PCDHGA2: variants seen among roughly 807,000 people sequenced by gnomAD.
PCDHGA2 encodes the protein protocadherin gamma subfamily A, 2.
Under a neutral mutation model 59.2 loss-of-function variants are expected in PCDHGA2, and 40 were observed. The ratio of observed to expected loss-of-function variants is 0.68; its 90% CI spans 0.52 to 0.88. PCDHGA2 has a LOEUF of 0.88. Ranked by LOEUF, PCDHGA2 falls within the 40% of genes least tolerant of loss-of-function variation. The pLI is 0.00. For synonymous variants in PCDHGA2, 560 were observed against 526.0 expected, an observed-to-expected ratio of 1.06 and a Z score of -0.89; for missense variants, 1,226 against 1,204.0, an observed-to-expected ratio of 1.02 and a Z score of -0.27.
At chr5:141,474,143 T>C (rs933805562) in intron 1 of PCDHGA2, among the ~76,000 whole-genome samples, 5 of 152,188 alleles carry the variant, frequency 3.3e-5, no homozygotes, top group Non-Finnish European at 5.9e-5. Flanking sequence ...CAGGCCTTAT[T>C]ATCAAGAAAA....
chr5:141,402,867 C>A (rs996572604), intron 1 of PCDHGA2: 7 of 1,443,390 alleles, frequency 4.8e-6, no homozygotes, highest in Non-Finnish European at 6.4e-6. Context: ...AGGAAAAGAT[C>A]ACCATACTTT....
intron 1 of PCDHGA2, chr5:141,382,741 C>G: frequency 3.4e-6 from 2 of 582,496 alleles, no homozygotes; most frequent in East Asian, 2.8e-5. Context: ...AGAGAAACGA[C>G]AGATTGCGAT....
At chr5:141,361,130 G>C (rs1352888384) in intron 1 of PCDHGA2, 1 of 1,613,886 alleles carries the variant, frequency 6.2e-7, no homozygotes, top group African/African-American at 1.3e-5. Context: ...GCCCACTGCA[G>C]TATCCAAGTT....
At chr5:141,421,846 G>A (rs1187020807) in intron 1 of PCDHGA2, 2 of 1,613,642 alleles carry the variant, frequency 1.2e-6, no homozygotes, top group East Asian at 4.5e-5. Context: ...AGAGAAAGAG[G>A]CTGCTCACCT....
At position 141,462,908 on chromosome 5, in the gene PCDHGA2, T is replaced by G. The variant is rs186061013; in HGVS notation, c.2425-31899T>G. ...AGTTTGTTTTGGAAGGCTATTATGT[T>G]TTTTGCAGATCAGGTTGATCTTTTC... On this transcript the variant is annotated intron_variant, in intron 1 of 3. Coordinates refer to ENST00000394576, the MANE Select transcript of PCDHGA2 (RefSeq NM_018915.4). Among the ~76,000 whole-genome samples the G allele has an allele frequency of 1.4e-4, 21 of 152,362 alleles. No individual in the cohort carries two copies. The East Asian group carries it at 3.5e-3, about 25-fold the overall frequency.
intron 1 of PCDHGA2, chr5:141,419,377 C>T: frequency 6.2e-6 from 10 of 1,613,690 alleles, no homozygotes; most frequent in Admixed American, 3.3e-5. Flanking sequence ...CCTACGTGTC[C>T]GTGAGCGCGC....
At chr5:141,447,650 T>TC (rs1036312126) in intron 1 of PCDHGA2, among the ~76,000 whole-genome samples, 5 of 151,988 alleles carry the variant, frequency 3.3e-5, no homozygotes, top group Non-Finnish European at 5.9e-5. Context: ...GGTAGAATTT[T>TC]CCCCCCCAGG....
Position 141,349,813 on chromosome 5 carries a change from G to GA in PCDHGA2, c.2424+8425dup, listed in dbSNP as rs1195442727. On this transcript the variant is annotated intron_variant, in intron 1 of 3. Coordinates refer to ENST00000394576, the MANE Select transcript of PCDHGA2 (RefSeq NM_018915.4). Reference sequence around the variant, plus strand: ...AAGATTTTTTTTTACCCCCAAAACTGAAAAAAATGGCAGTGTACCTTGTGA... The same window carrying GA: ...AAGATTTTTTTTTACCCCCAAAACTGAAAAAAAATGGCAGTGTACCTTGTGA... Among the ~76,000 whole-genome samples, 5 of 151,524 alleles carry GA rather than the reference G, an allele frequency of 3.3e-5. No individual in the cohort carries two copies. The South Asian group carries it at 6.2e-4, about 19-fold the overall frequency.
intron 1 of PCDHGA2, chr5:141,403,625 A>G (rs2094436092): frequency 6.2e-7 from 1 of 1,613,818 alleles, no homozygotes; most frequent in African/African-American, 1.3e-5. Context: ...TCGCTCCAGC[A>G]CAGTGCGCAT....
rs1288502839 is a variant in PCDHGA2 at position 141,356,953 on chromosome 5, G to A, written c.2424+15558G>A. 6 of 1,614,062 alleles carry A rather than the reference G, an allele frequency of 3.7e-6. No individual in the cohort carries two copies. In the East Asian group the frequency reaches 8.9e-5, roughly 24 times the overall value. On this transcript the variant is annotated intron_variant, in intron 1 of 3. Coordinates refer to ENST00000394576, the MANE Select transcript of PCDHGA2 (RefSeq NM_018915.4). ...GCTGGCACCCCGCTCCGCAGATTCCGGCTACCTGGTGACCAAAGTGGTGGC... is the reference window on the plus strand; with the variant it reads ...GCTGGCACCCCGCTCCGCAGATTCCAGCTACCTGGTGACCAAAGTGGTGGC...
rs747179611 is a variant in PCDHGA2 at position 141,476,473 on chromosome 5, C to T, written c.2425-18334C>T. ...TAGTGGAGAACCCGCTGGAGCTGTT[C>T]AGCGTGGAAGTGGTGATCCAGGACA... On this transcript the variant is annotated intron_variant, in intron 1 of 3. Coordinates refer to ENST00000394576, the MANE Select transcript of PCDHGA2 (RefSeq NM_018915.4). The surrounding 1 kb of genome is among the most constrained non-coding windows in gnomAD (Gnocchi z 7.6). 3.1e-6 allele frequency: 5 copies of T among 1,613,888 alleles called. No homozygotes were observed. The highest frequency in any genetic ancestry group is 3.3e-5 in the Admixed American group (2 of 59,984).
At chr5:141,369,362 A>C (rs1389904751) in intron 1 of PCDHGA2, among the ~76,000 whole-genome samples, 1 of 152,158 alleles carries the variant, frequency 6.6e-6, no homozygotes, top group African/African-American at 2.4e-5. Flanking sequence ...GTATGAAAAA[A>C]CATCCTTTGT....
At chr5:141,419,325 A>C in intron 1 of PCDHGA2, 1 of 1,613,702 alleles carries the variant, frequency 6.2e-7, no homozygotes, top group African/African-American at 1.3e-5. Flanking sequence ...CGTGTCTCCT[A>C]CTCTCTCATT....
At position 141,489,635 on chromosome 5, in the gene PCDHGA2, G is replaced by C. The variant is rs1380466520; in HGVS notation, c.2425-5172G>C. 2 of 1,614,142 alleles carry C rather than the reference G, an allele frequency of 1.2e-6. No homozygotes were observed. The highest frequency in any genetic ancestry group is 3.3e-5 in the Admixed American group (2 of 60,016). ...CTGGATCTCAATGACAACTCTCCTAGCTTTGCCACCCCTGAGCGAGAGATG... is the reference window on the plus strand; with the variant it reads ...CTGGATCTCAATGACAACTCTCCTACCTTTGCCACCCCTGAGCGAGAGATG... On this transcript the variant is annotated intron_variant, in intron 1 of 3. Transcript: ENST00000394576. This position sits in a 1 kb window ranked among gnomAD's most constrained non-coding sequence, Gnocchi z 4.5.
rs766460257 is a variant in PCDHGA2, at chr5:141,398,407, G to A, written c.2424+57012G>A. 4.0e-5 allele frequency: 59 copies of A among 1,474,004 alleles called. No homozygotes were observed. The Middle Eastern group carries it at 1.0e-3, about 26-fold the overall frequency. 91.3% of individuals were successfully genotyped at this position (1,474,004 alleles called of 1,614,324 possible). A position where few individuals can be genotyped will look rare whatever the true frequency, so the allele number is the denominator to read the frequency against. On this transcript the variant is annotated intron_variant, in intron 1 of 3. Transcript: ENST00000394576. ...TGTGAGCAGCAGGCTAGACAGGGAG[G>A]AGATATGCGGGAAGAAGCCAGCTTG...
At chr5:141,393,227 A>G (rs1389818557) in intron 1 of PCDHGA2, 1 of 1,613,740 alleles carries the variant, frequency 6.2e-7, no homozygotes, top group Non-Finnish European at 8.5e-7. Context: ...TCGAAGATCT[A>G]GAAGTAAAAA....
chr5:141,390,544 G>A, intron 1 of PCDHGA2: 1 of 505,664 alleles, frequency 2.0e-6, no homozygotes, highest in Non-Finnish European at 3.5e-6. Flanking sequence ...ACCACAAAGT[G>A]AAAGTGTTAG....
intron 1 of PCDHGA2, among the ~76,000 whole-genome samples, chr5:141,382,424 A>G (rs1778195711): frequency 6.6e-6 from 1 of 152,232 alleles, no homozygotes; most frequent in Non-Finnish European, 1.5e-5. Flanking sequence ...TCAGTGCCCA[A>G]AAGAGTCACT....
chr5:141,481,179 T>C (rs115525079), intron 1 of PCDHGA2, among the ~76,000 whole-genome samples: 16 of 152,358 alleles, frequency 1.1e-4, no homozygotes, highest in African/African-American at 3.6e-4. Flanking sequence ...TCCAGCTTTA[T>C]TGGGCCAGGC....
Sources: allele counts gnomAD v4.1 joint callset (sites outside exome capture counted in the v4.1 genomes callset), GRCh38; gene constraint gnomAD v4.1.1; non-coding constraint Gnocchi (gnomAD v3.1); transcripts MANE v1.5; gene names NCBI Gene and HGNC (gene_info 2026-07-23, HGNC 2026-07-21).